Variants in PCSK5 observed in about 807,000 individuals in gnomAD.
PCSK5 encodes the protein proprotein convertase subtilisin/kexin type 5.
In PCSK5, 129 loss-of-function variants were observed where a neutral mutation model predicts 233.2. The observed-to-expected ratio is 0.55, with a 90% CI of 0.48 to 0.64. PCSK5 has a LOEUF of 0.64. PCSK5 is among the 30% of genes least tolerant of loss of function. The pLI is 0.00. For synonymous variants in PCSK5, 825 were observed against 879.2 expected, an observed-to-expected ratio of 0.94 and a Z score of 1.09; for missense variants, 2,076 against 2,430.1, an observed-to-expected ratio of 0.85 and a Z score of 3.06.
At chr9:76,247,968 T>C (rs1826670484) in intron 24 of PCSK5, among the ~76,000 whole-genome samples, 1 of 152,066 alleles carries the variant, frequency 6.6e-6, no homozygotes, top group African/African-American at 2.4e-5. Context: ...GTATTTTTAG[T>C]AGAGATGGAG....
At chr9:75,955,888 T>C (rs947168598) in intron 2 of PCSK5, among the ~76,000 whole-genome samples, 1 of 152,184 alleles carries the variant, frequency 6.6e-6, no homozygotes, top group Non-Finnish European at 1.5e-5. Flanking sequence ...TGAGAATATA[T>C]GTACTAACTC....
intron 1 of PCSK5, among the ~76,000 whole-genome samples, chr9:75,902,223 A>AAAAAAAAG (rs1826070945): frequency 9.0e-6 from 1 of 111,254 alleles, no homozygotes; most frequent in African/African-American, 3.3e-5. Flanking sequence ...CTAAAAAAAA[A>AAAAAAAAG]AAAAAAAAAA....
chr9:76,043,314 C>T (rs1220768156), intron 5 of PCSK5, among the ~76,000 whole-genome samples: 1 of 123,470 alleles, frequency 8.1e-6, no homozygotes, highest in Non-Finnish European at 1.6e-5. Flanking sequence ...CCAGCCTGGG[C>T]GACAGAGCGA....
At chr9:76,317,583 G>C in intron 30 of PCSK5, among the ~76,000 whole-genome samples, 1 of 152,232 alleles carries the variant, frequency 6.6e-6, no homozygotes, top group East Asian at 1.9e-4. Context: ...GGTAGATTGG[G>C]TTATTTGTTG....
At chr9:76,053,052 C>T (rs1024291153) in intron 5 of PCSK5, among the ~76,000 whole-genome samples, 1 of 152,240 alleles carries the variant, frequency 6.6e-6, no homozygotes, top group African/African-American at 2.4e-5. Flanking sequence ...AGTTCCGCCC[C>T]TGTGGCTTTG....
At position 76,129,546 on chromosome 9, in the gene PCSK5, G is replaced by C. The variant is rs76059939; in HGVS notation, c.1209-4563G>C. Among the ~76,000 whole-genome samples, 287 of 152,194 alleles carry C rather than the reference G, an allele frequency of 1.9e-3. 2 individuals are homozygous for C. Among genetic ancestry groups the C allele is most frequent in the Non-Finnish European group, 3.7e-3 (251 of 68,018 alleles). ...ATTACAATGAGGATGTATTTGGGTG[G>C]TGGGTTGAGCGGGAGGTTGGTTATT... On this transcript the variant is annotated intron_variant, in intron 9 of 37. Coordinates refer to ENST00000674117, the MANE Select transcript of PCSK5 (RefSeq NM_001372043.1).
At position 76,173,496 on chromosome 9, in the gene PCSK5, C is replaced by CTTTTTTTTTTTTTTTTTTTTTTTTTTTTT. The variant is rs59248860; in HGVS notation, c.1757-1482_1757-1454dup. Among the ~76,000 whole-genome samples, 45 of 61,006 alleles carry CTTTTTTTTTTTTTTTTTTTTTTTTTTTTT rather than the reference C, an allele frequency of 7.4e-4. 8 individuals are homozygous for CTTTTTTTTTTTTTTTTTTTTTTTTTTTTT. Among genetic ancestry groups the CTTTTTTTTTTTTTTTTTTTTTTTTTTTTT allele is most frequent in the Non-Finnish European group, 9.6e-4 (29 of 30,128 alleles). 40.0% of individuals were successfully genotyped at this position (61,006 alleles called of 152,430 possible). Reference sequence around the variant, plus strand: ...CTTTAATGAAATGGAGGCACGTTTCCTTTTTTTTTTTTTTTTTTTTTTTTT... The same window carrying CTTTTTTTTTTTTTTTTTTTTTTTTTTTTT: ...CTTTAATGAAATGGAGGCACGTTTCCTTTTTTTTTTTTTTTTTTTTTTTTTTTTTTTTTTTTTTTTTTTTTTTTTTTTTT... On this transcript the variant is annotated intron_variant, in intron 13 of 37. Transcript: ENST00000674117.
At chr9:76,008,446 C>T (rs1385443894) in intron 3 of PCSK5, among the ~76,000 whole-genome samples, 1 of 151,024 alleles carries the variant, frequency 6.6e-6, no homozygotes, top group African/African-American at 2.4e-5. Flanking sequence ...AAATAGAACA[C>T]TGCATATTTC....
rs148258016 is a variant in PCSK5, at chr9:76,324,118, G to A, written c.4339+830G>A. On this transcript the variant is annotated intron_variant, in intron 32 of 37. Transcript: ENST00000674117. ...TTTTTCTATTTTTAGTAGAGAGGGG[G>A]TTTCACCATGTTGACCAGGCTGGTC... Among the ~76,000 whole-genome samples, 511 of 151,978 alleles carry A rather than the reference G, an allele frequency of 3.4e-3. 2 individuals carry two copies. Among genetic ancestry groups the A allele is most frequent in the African/African-American group, 0.012 (480 of 41,438 alleles).
In PCSK5 at chr9:76,316,343, G is replaced by T. The variant is rs146274479; in HGVS notation, c.3885-5079G>T. On this transcript the variant is annotated intron_variant, in intron 30 of 37. Transcript: ENST00000674117. ...CTTAGGAAATTCCAAAGGTTTTGAGGTTAGCCGAAGAGAAAGACCAGACCT... is the reference window on the plus strand; with the variant it reads ...CTTAGGAAATTCCAAAGGTTTTGAGTTTAGCCGAAGAGAAAGACCAGACCT... 1.1e-3 allele frequency among the ~76,000 whole-genome samples: 163 copies of T among 152,208 alleles called. 2 individuals are homozygous for T. Among genetic ancestry groups the T allele is most frequent in the Middle Eastern group, 3.4e-3 (1 of 294 alleles).
chr9:76,215,915 G>A (rs147921064), intron 20 of PCSK5, among the ~76,000 whole-genome samples: 1,586 of 151,892 alleles, frequency 0.01, 23 homozygotes, highest in African/African-American at 0.036. Context: ...CTCCAGCCTG[G>A]GTGACAAAGC....
intron 9 of PCSK5, among the ~76,000 whole-genome samples, chr9:76,110,002 G>A (rs901141206): frequency 6.6e-6 from 1 of 152,110 alleles, no homozygotes; most frequent in Non-Finnish European, 1.5e-5. Flanking sequence ...CCTAATCCTT[G>A]TATATGTGCC....
At chr9:76,350,708 A>T (rs1830098304) in intron 35 of PCSK5, 120 bp from the exon 36 acceptor site, 2 of 678,630 alleles carry the variant, frequency 2.9e-6, no homozygotes, top group East Asian at 5.6e-5. Flanking sequence ...CGTATCCTCA[A>T]TCAATTCACC....
At chr9:76,206,955 G>A (rs1825141374) in intron 20 of PCSK5, among the ~76,000 whole-genome samples, 1 of 152,148 alleles carries the variant, frequency 6.6e-6, no homozygotes, top group African/African-American at 2.4e-5. Flanking sequence ...GTCCAGGGGA[G>A]AATCCATTTT....
chr9:76,092,163 G>C (rs1168789613), intron 7 of PCSK5, among the ~76,000 whole-genome samples: 2 of 152,140 alleles, frequency 1.3e-5, no homozygotes. Flanking sequence ...AAGGGCAAAA[G>C]ATACATCTAT....
chr9:76,002,177 C>G (rs527780554), intron 3 of PCSK5, among the ~76,000 whole-genome samples: 1 of 152,322 alleles, frequency 6.6e-6, no homozygotes, highest in Non-Finnish European at 1.5e-5. Flanking sequence ...ACCCTGCTCA[C>G]TAGCAGGACA....
intron 12 of PCSK5, among the ~76,000 whole-genome samples, chr9:76,162,186 A>C (rs959948737): frequency 6.6e-6 from 1 of 152,178 alleles, no homozygotes; most frequent in African/African-American, 2.4e-5. Context: ...TCCCAAAACC[A>C]TGAATGGCCA....
At chr9:76,178,989 A>T (rs562393574) in intron 14 of PCSK5, among the ~76,000 whole-genome samples, 1 of 151,812 alleles carries the variant, frequency 6.6e-6, no homozygotes, top group African/African-American at 2.4e-5. Context: ...CGTTTTTTTT[A>T]AATTTATATG....
Position 76,179,680 on chromosome 9 carries a change from A to T in PCSK5, c.1985A>T (p.Lys662Met). ...AATGACTGTTTGCACTACTACTACAAGCTGAAAAACAATACCAGGTAAGAG... is the reference window on the plus strand; with the variant it reads ...AATGACTGTTTGCACTACTACTACATGCTGAAAAACAATACCAGGTAAGAG... ...HCNDCLHYYY[K>M]LKNNTRICVS... is the part of the protein sequence containing the mutation. Residue 662 changes from lysine to methionine, a missense_variant, in exon 15 of 38, where the codon AAG becomes ATG. Physicochemically the swap from Lys to Met is moderately conservative, Grantham distance 95. This residue lies in a region of PCSK5 where 84 missense variants were observed against 108.8 expected (regional missense o/e 0.77). Transcript: ENST00000674117. 2 of 1,612,466 alleles carry T rather than the reference A, an allele frequency of 1.2e-6. No homozygotes were observed. Among genetic ancestry groups the T allele is most frequent in the Non-Finnish European group, 1.7e-6 (2 of 1,178,630 alleles).
Sources: allele counts gnomAD v4.1 joint callset (sites outside exome capture counted in the v4.1 genomes callset), GRCh38; gene constraint gnomAD v4.1.1; regional missense constraint gnomAD v4.1.1; transcripts MANE v1.5; gene names NCBI Gene and HGNC (gene_info 2026-07-23, HGNC 2026-07-21).